Variants in DAB1 observed in about 807,000 individuals in gnomAD.
DAB1 encodes the protein DAB adaptor protein 1.
DAB1 carries 15 observed loss-of-function variants against 64.6 expected under a neutral mutation model. The ratio of observed to expected loss-of-function variants is 0.23; its 90% CI spans 0.16 to 0.36. DAB1 has a LOEUF of 0.36. Among genes scored for constraint, DAB1 ranks in the 10% least tolerant of loss-of-function variants. The pLI is 1.00. For synonymous variants in DAB1, 235 were observed against 251.9 expected (o/e 0.93, Z 0.64); for missense variants, 596 against 706.7 (o/e 0.84, Z 1.78).
intron 3 of DAB1, among the ~76,000 whole-genome samples, chr1:58,433,523 G>A (rs12734369): frequency 0.2 from 30,315 of 151,016 alleles, 3,514 homozygotes; most frequent in Middle Eastern, 0.28. Flanking sequence ...TTTGTGCTGC[G>A]ACATCCCATG....
intron 1 of DAB1, among the ~76,000 whole-genome samples, chr1:57,377,749 T>G (rs1039286775): frequency 6.6e-6 from 1 of 152,108 alleles, no homozygotes; most frequent in Non-Finnish European, 1.5e-5. Flanking sequence ...AACCTTAGGT[T>G]TCATAAAGGG....
At chr1:58,073,855 A>T (rs959340069) in intron 5 of DAB1, among the ~76,000 whole-genome samples, 3 of 152,200 alleles carry the variant, frequency 2.0e-5, no homozygotes, top group Non-Finnish European at 4.4e-5. Context: ...AAATTAGTTC[A>T]GAAGGTGAAT....
chr1:57,540,564 G>T (rs1053463332), intron 7 of DAB1, among the ~76,000 whole-genome samples: 4 of 152,206 alleles, frequency 2.6e-5, no homozygotes, highest in Admixed American at 6.5e-5. Flanking sequence ...ATCAATGGAT[G>T]AATGGATAAA....
At chr1:57,569,436 A>T (rs1469149363) in intron 7 of DAB1, among the ~76,000 whole-genome samples, 1 of 152,150 alleles carries the variant, frequency 6.6e-6, no homozygotes, top group African/African-American at 2.4e-5. Flanking sequence ...TGTCCTTTGT[A>T]GGGACATGGA....
chr1:57,781,984 G>C (rs1230984041), intron 6 of DAB1, among the ~76,000 whole-genome samples: 1 of 152,050 alleles, frequency 6.6e-6, no homozygotes, highest in African/African-American at 2.4e-5. Flanking sequence ...CAATATTCTA[G>C]GAGTTTGAAA....
intron 6 of DAB1, among the ~76,000 whole-genome samples, chr1:57,753,084 G>A (rs1435614097): frequency 6.6e-6 from 1 of 152,164 alleles, no homozygotes; most frequent in African/African-American, 2.4e-5. Flanking sequence ...CCTTGAAGCA[G>A]CTGTGTTCTG....
chr1:57,170,197 C>T (rs139792518), intron 2 of DAB1, among the ~76,000 whole-genome samples: 86 of 152,120 alleles, frequency 5.7e-4, no homozygotes, highest in African/African-American at 2.0e-3. Flanking sequence ...CAAGATTTCA[C>T]CATGTTTGCC....
intron 1 of DAB1, among the ~76,000 whole-genome samples, chr1:58,537,136 GA>G (rs1324342133): frequency 6.6e-6 from 1 of 151,214 alleles, no homozygotes; most frequent in East Asian, 2.0e-4. Flanking sequence ...CCCTGTTACA[GA>G]AGATAAAATT....
At chr1:57,667,340 A>T (rs1425576615) in intron 6 of DAB1, among the ~76,000 whole-genome samples, 2 of 152,180 alleles carry the variant, frequency 1.3e-5, no homozygotes, top group Admixed American at 1.3e-4. Context: ...GGCAGTGTGC[A>T]GACTGAGTTG....
At chr1:57,291,409 G>A (rs1003341673) in intron 1 of DAB1, among the ~76,000 whole-genome samples, 1 of 152,132 alleles carries the variant, frequency 6.6e-6, no homozygotes, top group Non-Finnish European at 1.5e-5. Context: ...AGATTTATAA[G>A]AGGGACAAAA....
intron 11 of DAB1, among the ~76,000 whole-genome samples, chr1:57,020,361 A>G (rs1239691445): frequency 2.6e-5 from 4 of 152,192 alleles, no homozygotes; most frequent in African/African-American, 9.7e-5. Flanking sequence ...CCTATTTTAC[A>G]ATGTGCATTT....
chr1:58,457,332 C>T (rs1048299136), intron 3 of DAB1, among the ~76,000 whole-genome samples: 5 of 152,106 alleles, frequency 3.3e-5, no homozygotes, highest in Non-Finnish European at 7.4e-5. Flanking sequence ...CCCTCCCTCC[C>T]AAGGCTGGAA....
intron 7 of DAB1, among the ~76,000 whole-genome samples, chr1:57,612,430 A>G (rs900633168): frequency 2.0e-5 from 3 of 152,172 alleles, no homozygotes; most frequent in Non-Finnish European, 4.4e-5. Context: ...TGGGCCCAAT[A>G]TAATTACAGG....
intron 4 of DAB1, among the ~76,000 whole-genome samples, chr1:57,106,689 A>G (rs903454344): frequency 6.6e-6 from 1 of 152,194 alleles, no homozygotes; most frequent in African/African-American, 2.4e-5. Flanking sequence ...AGGAAAAGGT[A>G]CAGCTATTTA....
chr1:57,489,269 C>G (rs1206809008), intron 7 of DAB1, among the ~76,000 whole-genome samples: 1 of 152,200 alleles, frequency 6.6e-6, no homozygotes. Context: ...AAACCAACAT[C>G]CCAGGTCAGG....
At chr1:58,459,941 G>A (rs2100309401) in intron 3 of DAB1, among the ~76,000 whole-genome samples, 1 of 152,300 alleles carries the variant, frequency 6.6e-6, no homozygotes, top group Non-Finnish European at 1.5e-5. Context: ...TCATGCCACT[G>A]CACTCCAGCT....
intron 6 of DAB1, among the ~76,000 whole-genome samples, chr1:57,755,946 G>A (rs1232259363): frequency 6.6e-6 from 1 of 152,176 alleles, no homozygotes; most frequent in Admixed American, 6.5e-5. Flanking sequence ...TTAGCTTTGT[G>A]CAATGAGGTA....
At position 58,068,683 on chromosome 1, in the gene DAB1, G is replaced by A. The variant is rs577174385; in HGVS notation, n.387+81828C>T. 4.3e-4 allele frequency among the ~76,000 whole-genome samples: 64 copies of A among 150,372 alleles called. 1 individual carries two copies. The highest frequency in any genetic ancestry group is 3.7e-3 in the Admixed American group (56 of 15,030). On this transcript the variant is annotated intron_variant and non_coding_transcript_variant, in intron 5 of 20. Transcript: ENST00000485760. ...CGGGAGGCTGAGGCAGGATAATGGC[G>A]TGAATCTGGGAGGCAGAGCTTGCAG... is the stretch of plus-strand genomic sequence containing the variant.
chr1:58,496,381 T>C (rs1645802660), intron 3 of DAB1, among the ~76,000 whole-genome samples: 1 of 152,342 alleles, frequency 6.6e-6, no homozygotes, highest in African/African-American at 2.4e-5. Flanking sequence ...TCTGTCACTT[T>C]CAGTGCAGTT....
Sources: allele counts gnomAD v4.1 joint callset (sites outside exome capture counted in the v4.1 genomes callset), GRCh38; gene constraint gnomAD v4.1.1; transcripts MANE v1.5; gene names NCBI Gene and HGNC (gene_info 2026-07-23, HGNC 2026-07-21).